The following CNTN6 variants were observed in gnomAD, a reference collection of about 807,000 sequenced individuals.
CNTN6 encodes contactin-6.
In CNTN6, 137 loss-of-function variants were observed where a neutral mutation model predicts 122.8. The ratio of observed to expected loss-of-function variants is 1.12; its 90% CI spans 0.97 to 1.29. The LOEUF (loss-of-function observed/expected upper bound fraction) is 1.29, where lower values mean the gene tolerates loss of function less well. Among genes scored for constraint, CNTN6 ranks in the 50% most tolerant of loss-of-function variants. The pLI, the probability that CNTN6 is intolerant of heterozygous loss-of-function variation, is 0.00. For synonymous variants in CNTN6, 570 were observed against 426.0 expected, an observed-to-expected ratio of 1.34 and a Z score of -4.16; for missense variants, 1,634 against 1,223.4, an observed-to-expected ratio of 1.34 and a Z score of -5.01.
intron 7 of CNTN6, among the ~76,000 whole-genome samples, chr3:1,299,809 C>A (rs1187663722): frequency 6.6e-6 from 1 of 152,130 alleles, no homozygotes. Flanking sequence ...AGCAAACGTG[C>A]TTATAATCTC....
In CNTN6 at chr3:1,389,134, A is replaced by G. The variant is rs1287977145; in HGVS notation, c.2704+3337A>G. Among the ~76,000 whole-genome samples, 10 of 145,424 alleles carry G rather than the reference A, an allele frequency of 6.9e-5. No individual in the cohort carries two copies. The Admixed American group carries it at 6.9e-4, about 10-fold the overall frequency. ...TGTCAGATTCACCAAAGTTGAAATG[A>G]AGGAAAAAATGTTAACGGCAGCCAG... On this transcript the variant is annotated intron_variant, in intron 20 of 22. Coordinates refer to ENST00000446702, the MANE Select transcript of CNTN6 (RefSeq NM_001289080.2).
intron 2 of CNTN6, among the ~76,000 whole-genome samples, chr3:1,158,787 T>C (rs1285438697): frequency 2.2e-4 from 25 of 114,908 alleles, no homozygotes; most frequent in East Asian, 2.8e-4. Context: ...TGTGTGTATA[T>C]ATGTGTATAT....
intron 5 of CNTN6, 116 bp downstream of exon 5, chr3:1,278,624 T>A: frequency 1.6e-6 from 1 of 617,210 alleles, no homozygotes; most frequent in Non-Finnish European, 2.8e-6. Context: ...ATTGTGACTC[T>A]CGTCAAGTGC....
intron 4 of CNTN6, among the ~76,000 whole-genome samples, chr3:1,269,367 A>G (rs1161443604): frequency 6.6e-6 from 1 of 152,202 alleles, no homozygotes; most frequent in Non-Finnish European, 1.5e-5. Flanking sequence ...TTTGCATGCT[A>G]CCTACATCAC....
intron 13 of CNTN6, 37 bp from the exon 14 acceptor site, chr3:1,372,801 C>A: frequency 7.9e-7 from 1 of 1,272,612 alleles, no homozygotes; most frequent in African/African-American, 1.5e-5. Flanking sequence ...GTTATATGGG[C>A]TTACGTTTTT....
At position 1,373,592 on chromosome 3, in the gene CNTN6, A is replaced by C; in HGVS notation, c.1787-12A>C. 2 of 1,608,900 alleles carry C rather than the reference A, an allele frequency of 1.2e-6. No individual in the cohort carries two copies. The highest frequency in any genetic ancestry group is 1.7e-6 in the Non-Finnish European group (2 of 1,177,756). On this transcript the variant is annotated splice_polypyrimidine_tract_variant and intron_variant, in intron 14 of 22. Coordinates refer to ENST00000446702, the MANE Select transcript of CNTN6 (RefSeq NM_001289080.2). ...ATCTCCAATGGAGTCATGATAAAAC[A>C]TTTTTTTCAAGGTCCACCAGGTCCT...
intron 5 of CNTN6, among the ~76,000 whole-genome samples, chr3:1,293,441 CT>C (rs1163993522): frequency 1.3e-5 from 2 of 152,004 alleles, no homozygotes; most frequent in Non-Finnish European, 2.9e-5. Context: ...GTTTTGCCAC[CT>C]TTTACTTTTG....
chr3:1,233,402 C>T (rs6805852), intron 4 of CNTN6, among the ~76,000 whole-genome samples: 2,534 of 148,706 alleles, frequency 0.017, 70 homozygotes, highest in African/African-American at 0.056. Context: ...AGCAATGGAA[C>T]CGTTCTGAAT....
chr3:1,298,525 A>G (rs1052055651), intron 7 of CNTN6, among the ~76,000 whole-genome samples: 1 of 152,196 alleles, frequency 6.6e-6, no homozygotes, highest in Non-Finnish European at 1.5e-5. Flanking sequence ...TTACTCAGAT[A>G]AGTATTTATT....
At chr3:1,389,268 TAAAG>T (rs1374315498) in intron 20 of CNTN6, among the ~76,000 whole-genome samples, 2 of 152,030 alleles carry the variant, frequency 1.3e-5, no homozygotes, top group Non-Finnish European at 2.9e-5. Context: ...TCAACATTCT[TAAAG>T]AAAACAATTT....
At chr3:1,345,701 T>C (rs1034472688) in intron 11 of CNTN6, among the ~76,000 whole-genome samples, 20 of 152,190 alleles carry the variant, frequency 1.3e-4, no homozygotes, top group African/African-American at 4.6e-4. Context: ...TATCAGTATT[T>C]GATCTAAAAT....
At chr3:1,384,850 CA>C (rs1328462993) in intron 19 of CNTN6, among the ~76,000 whole-genome samples, 1 of 144,396 alleles carries the variant, frequency 6.9e-6, no homozygotes, top group Non-Finnish European at 1.5e-5. Flanking sequence ...CCTCTGATTC[CA>C]ACAGAAAGTT....
intron 7 of CNTN6, among the ~76,000 whole-genome samples, chr3:1,303,636 C>G (rs920247380): frequency 1.4e-4 from 22 of 152,068 alleles, no homozygotes; most frequent in Non-Finnish European, 2.4e-4. Context: ...TCTATCATCT[C>G]AGTTATTTGT....
intron 1 of CNTN6, among the ~76,000 whole-genome samples, chr3:1,123,658 A>G (rs1166289833): frequency 1.3e-5 from 2 of 151,876 alleles, no homozygotes; most frequent in Non-Finnish European, 2.9e-5. Flanking sequence ...TTTTCTTCCC[A>G]ATTTAGATAC....
At chr3:1,200,048 T>C (rs59432526) in intron 2 of CNTN6, among the ~76,000 whole-genome samples, 2 of 152,136 alleles carry the variant, frequency 1.3e-5, no homozygotes, top group Admixed American at 1.3e-4. Flanking sequence ...TATATGTCTT[T>C]TTTTTAGACA....
chr3:1,327,800 G>T (rs190169386), intron 10 of CNTN6, among the ~76,000 whole-genome samples: 2 of 151,750 alleles, frequency 1.3e-5, no homozygotes, highest in South Asian at 2.1e-4. Flanking sequence ...CCACCATTGG[G>T]TGCATCCAAA....
At chr3:1,385,822 A>ACAAGATTC (rs1210098476) in intron 20 of CNTN6, 25 bp downstream of exon 20, 2 of 1,570,148 alleles carry the variant, frequency 1.3e-6, no homozygotes, top group African/African-American at 2.8e-5. Context: ...ACTCCAGGAA[A>ACAAGATTC]CAAGATTCAT....
intron 2 of CNTN6, among the ~76,000 whole-genome samples, chr3:1,183,853 GGTCACTCATGACTGGGTT>G (rs796884831): frequency 3.3e-5 from 5 of 152,176 alleles, no homozygotes; most frequent in African/African-American, 1.2e-4. Context: ...ACAACCAAGG[GGTCACTCATGACTGGGTT>G]GTCATGCGAT....
chr3:1,339,405 C>T (rs527418434), intron 11 of CNTN6, among the ~76,000 whole-genome samples: 5 of 152,114 alleles, frequency 3.3e-5, no homozygotes, highest in African/African-American at 4.8e-5. Context: ...ACCAATTTGA[C>T]GGGCGTTGTG....
Sources: allele counts gnomAD v4.1 joint callset (sites outside exome capture counted in the v4.1 genomes callset), GRCh38; gene constraint gnomAD v4.1.1; transcripts MANE v1.5; gene names NCBI Gene and HGNC (gene_info 2026-07-23, HGNC 2026-07-21).